The following EPB41L3 variants were observed in gnomAD, a reference collection of about 807,000 sequenced individuals.
EPB41L3 encodes the protein band 4.1-like protein 3.
Under a neutral mutation model 127.1 loss-of-function variants are expected in EPB41L3, and 57 were observed. That is an observed-to-expected ratio of 0.45 (90% CI 0.36 to 0.56). The LOEUF (loss-of-function observed/expected upper bound fraction) is 0.56, where lower values mean the gene tolerates loss of function less well. Among genes scored for constraint, EPB41L3 ranks in the 20% least tolerant of loss-of-function variants. The probability of loss-of-function intolerance (pLI) is 0.00; values close to 1 mark genes in which losing one functional copy is unlikely to be tolerated. For synonymous variants in EPB41L3, 572 were observed against 549.5 expected (o/e 1.04, Z -0.57); for missense variants, 1,273 against 1,372.2 (o/e 0.93, Z 1.14).
chr18:5,466,144 C>T (rs2084939405), intron 3 of EPB41L3, among the ~76,000 whole-genome samples: 1 of 152,108 alleles, frequency 6.6e-6, no homozygotes, highest in South Asian at 2.1e-4. Context: ...CCAGATTTTC[C>T]CTTACTCCTC....
intron 5 of EPB41L3, among the ~76,000 whole-genome samples, chr18:5,440,237 C>T (rs1279435888): frequency 6.6e-6 from 1 of 152,050 alleles, no homozygotes; most frequent in Non-Finnish European, 1.5e-5. Flanking sequence ...AAAATCACTA[C>T]TGCTACTAAG....
At chr18:5,395,741 G>A (rs1433267282) in intron 19 of EPB41L3, 34 bp from the exon 20 acceptor site, 7 of 1,554,968 alleles carry the variant, frequency 4.5e-6, no homozygotes, top group South Asian at 1.1e-5. Context: ...CCTCATCCAG[G>A]TGCTCACATC....
chr18:5,524,306 G>C (rs377308152), intron 1 of EPB41L3, among the ~76,000 whole-genome samples: 11 of 151,934 alleles, frequency 7.2e-5, no homozygotes, highest in Non-Finnish European at 1.3e-4. Context: ...CAAGTCTCCC[G>C]CCGCAGCCTC....
intron 22 of EPB41L3, chr18:5,394,313 A>C (rs1404717473): frequency 5.7e-6 from 1 of 175,178 alleles, no homozygotes; most frequent in Non-Finnish European, 1.2e-5. Flanking sequence ...CTCAGAGCAA[A>C]ACTGCCTTTG....
intron 2 of EPB41L3, among the ~76,000 whole-genome samples, chr18:5,486,494 T>C (rs1204899071): frequency 6.6e-6 from 1 of 151,950 alleles, no homozygotes; most frequent in East Asian, 1.9e-4. Context: ...CAAATGGGAT[T>C]ACATGCAGCC....
chr18:5,474,631 C>G (rs1033339882), intron 3 of EPB41L3, among the ~76,000 whole-genome samples: 1 of 152,082 alleles, frequency 6.6e-6, no homozygotes, highest in African/African-American at 2.4e-5. Flanking sequence ...AAATAAAATG[C>G]TCTTTTTGAT....
intron 3 of EPB41L3, among the ~76,000 whole-genome samples, chr18:5,582,711 A>G (rs1459873822): frequency 6.6e-6 from 1 of 152,214 alleles, no homozygotes; most frequent in Non-Finnish European, 1.5e-5. Context: ...TGGCTAAGTG[A>G]CTTATTGATT....
In EPB41L3 at chr18:5,429,024, T is replaced by C. The variant is rs573787856; in HGVS notation, c.913-559A>G. ...CTTTAAAAAGAGCCCCGATATTTTT[T>C]ATATACCATTATTGTCAGAGTAAAA... On this transcript the variant is annotated intron_variant, in intron 8 of 22. Coordinates refer to ENST00000341928, the MANE Select transcript of EPB41L3 (RefSeq NM_012307.5). Among the ~76,000 whole-genome samples, 62 of 152,298 alleles carry C rather than the reference T, an allele frequency of 4.1e-4. 1 individual carries two copies. The South Asian group carries it at 0.012, about 29-fold the overall frequency.
intron 3 of EPB41L3, among the ~76,000 whole-genome samples, chr18:5,561,135 G>GCA (rs2094128022): frequency 2.7e-5 from 4 of 150,664 alleles, no homozygotes; most frequent in Admixed American, 6.6e-5. Flanking sequence ...CCGCCACTAC[G>GCA]CCCGGCTAAT....
At chr18:5,573,356 T>A (rs1370911635) in intron 3 of EPB41L3, among the ~76,000 whole-genome samples, 1 of 152,174 alleles carries the variant, frequency 6.6e-6, no homozygotes, top group Non-Finnish European at 1.5e-5. Flanking sequence ...TGAGGAATTT[T>A]AAAAAATTGC....
At chr18:5,584,071 G>T (rs191648754) in intron 3 of EPB41L3, among the ~76,000 whole-genome samples, 11 of 152,324 alleles carry the variant, frequency 7.2e-5, no homozygotes, top group Admixed American at 3.9e-4. Flanking sequence ...CAAAGTGCTA[G>T]GATTACAGGT....
intron 9 of EPB41L3, among the ~76,000 whole-genome samples, chr18:5,427,906 C>A (rs1406659585): frequency 6.6e-6 from 1 of 151,994 alleles, no homozygotes; most frequent in East Asian, 1.9e-4. Context: ...CCACTACGCC[C>A]GGCTAATTTT....
In EPB41L3 at chr18:5,416,007, C is replaced by A. The variant is rs145588627; in HGVS notation, c.1878G>T (p.Pro626=). ...AGGGCACAAGGGACGGTGAGCGGAT[C>A]GGGAGGTAATGCTGCAAGCTCTGGG... ...LLPQSLQHYL[P]IRSPSLVPCF... The change falls in exon 13 of 23, where the codon CCG becomes CCT. Residue 626 remains proline (P), a synonymous_variant. Transcript: ENST00000341928. 1.2e-6 allele frequency: 2 copies of A among 1,613,934 alleles called. No homozygotes were observed. Among genetic ancestry groups the A allele is most frequent in the Non-Finnish European group, 1.7e-6 (2 of 1,179,978 alleles).
At chr18:5,501,051 C>T (rs1262195549) in intron 1 of EPB41L3, among the ~76,000 whole-genome samples, 1 of 152,142 alleles carries the variant, frequency 6.6e-6, no homozygotes, top group African/African-American at 2.4e-5. Context: ...ATATTTGTAT[C>T]TTGCCTTTTA....
intron 1 of EPB41L3, among the ~76,000 whole-genome samples, chr18:5,513,436 G>A (rs1344115051): frequency 6.6e-6 from 1 of 152,174 alleles, no homozygotes; most frequent in African/African-American, 2.4e-5. Flanking sequence ...TGCAGAAAAT[G>A]GAAAGACTTT....
At chr18:5,575,710 AC>A (rs1365155704) in intron 3 of EPB41L3, among the ~76,000 whole-genome samples, 4 of 152,058 alleles carry the variant, frequency 2.6e-5, no homozygotes, top group African/African-American at 9.7e-5. Context: ...GGTGGTGGGT[AC>A]CTGTAATCCC....
At chr18:5,583,867 G>A (rs942147608) in intron 3 of EPB41L3, among the ~76,000 whole-genome samples, 38 of 152,150 alleles carry the variant, frequency 2.5e-4, no homozygotes, top group African/African-American at 7.7e-4. Context: ...GGAGTGCAAC[G>A]GCATGATCTC....
In EPB41L3 at chr18:5,415,104, A is replaced by G. The variant is rs528313084; in HGVS notation, c.2067+714T>C. Reference sequence around the variant, plus strand: ...TGGTGAAATTTCAGCCTGCCTTTACATTGTTTGAAAACTTCAATTTAGTCC... The same window carrying G: ...TGGTGAAATTTCAGCCTGCCTTTACGTTGTTTGAAAACTTCAATTTAGTCC... On this transcript the variant is annotated intron_variant, in intron 13 of 22. Coordinates refer to ENST00000341928, the MANE Select transcript of EPB41L3 (RefSeq NM_012307.5). Among the ~76,000 whole-genome samples the G allele has an allele frequency of 1.5e-3, 236 of 152,326 alleles. 2 individuals carry two copies. The highest frequency in any genetic ancestry group is 5.5e-3 in the African/African-American group (229 of 41,586).
At chr18:5,463,279 G>A (rs2084360256) in intron 3 of EPB41L3, among the ~76,000 whole-genome samples, 1 of 152,128 alleles carries the variant, frequency 6.6e-6, no homozygotes, top group South Asian at 2.1e-4. Flanking sequence ...CCTACATAAA[G>A]CTCCTCAGAA....
Sources: gnomAD v4.1 joint callset for allele counts (sites outside exome capture counted in the v4.1 genomes callset) on GRCh38, gnomAD v4.1.1 for gene constraint, MANE v1.5 for transcripts, NCBI Gene and HGNC (gene_info 2026-07-23, HGNC 2026-07-21) for gene names.